The following CEP83 variants were observed in gnomAD, a reference collection of about 807,000 sequenced individuals.
The protein encoded by CEP83 is centrosomal protein 83.
A neutral mutation model predicts 101.9 loss-of-function variants in CEP83; 70 were observed. The ratio of observed to expected loss-of-function variants is 0.69; its 90% CI spans 0.57 to 0.84. The LOEUF is 0.84. CEP83 is among the 40% of genes least tolerant of loss of function. The probability of loss-of-function intolerance (pLI) is 0.00; values close to 1 mark genes in which losing one functional copy is unlikely to be tolerated. For missense variants in CEP83, 715 were observed against 787.2 expected (o/e 0.91, Z 1.10); for synonymous variants, 264 against 267.9 (o/e 0.99, Z 0.14).
intron 9 of CEP83, 87 bp downstream of exon 9, chr12:94,369,834 TA>T: frequency 1.4e-6 from 1 of 736,670 alleles, no homozygotes. Context: ...AATTTGGAAA[TA>T]AAAATTCAGA....
intron 15 of CEP83, among the ~76,000 whole-genome samples, chr12:94,310,311 A>G (rs1017370653): frequency 6.6e-6 from 1 of 152,172 alleles, no homozygotes; most frequent in African/African-American, 2.4e-5. Flanking sequence ...ATTGCAGACT[A>G]TCAACTCATT....
At chr12:94,290,502 C>T in the CEP83 span, among the ~76,000 whole-genome samples, 1 of 152,238 alleles carries the variant, frequency 6.6e-6, no homozygotes, top group Admixed American at 6.5e-5. Flanking sequence ...CCCAGCCGGC[C>T]CCTGCCCAGT....
intron 2 of CEP83, among the ~76,000 whole-genome samples, chr12:94,434,779 A>T (rs903048109): frequency 6.6e-6 from 1 of 152,228 alleles, no homozygotes; most frequent in Admixed American, 6.5e-5. Flanking sequence ...TTATACATAC[A>T]CATAGCCTGA....
the CEP83 span, chr12:94,280,277 G>C: frequency 6.0e-6 from 1 of 167,512 alleles, no homozygotes; most frequent in Non-Finnish European, 1.3e-5. Flanking sequence ...ACATTTTAAA[G>C]TTGAGCTCCG....
At chr12:94,304,727 T>A (rs970440676), downstream of CEP83, among the ~76,000 whole-genome samples, 13 of 152,154 alleles carry the variant, frequency 8.5e-5, no homozygotes, top group South Asian at 1.9e-3. Flanking sequence ...ATGATAAGCA[T>A]CCCTCGTTCC....
intron 1 of CEP83, among the ~76,000 whole-genome samples, chr12:94,457,700 C>T (rs1016106634): frequency 3.3e-5 from 5 of 152,162 alleles, no homozygotes; most frequent in African/African-American, 9.7e-5. Context: ...AGTTCCAATT[C>T]CCATTATTAA....
chr12:94,307,529 C>A (rs1167058916), downstream of CEP83: 1 of 152,118 alleles, frequency 6.6e-6, no homozygotes, highest in Non-Finnish European at 1.5e-5. Context: ...ACACTAGTGT[C>A]TACAGCAGCA....
the CEP83 span, among the ~76,000 whole-genome samples, chr12:94,268,737 G>T: frequency 2.4e-3 from 360 of 151,842 alleles, 2 homozygotes; most frequent in African/African-American, 7.9e-3. Context: ...TGGGATTATA[G>T]GCACCTGCCA....
chr12:94,279,417 G>A, the CEP83 span: 1 of 1,498,112 alleles, frequency 6.7e-7, no homozygotes, highest in Non-Finnish European at 9.1e-7. Flanking sequence ...TTTATGAAAT[G>A]CCTTTCAGAT....
intron 12 of CEP83, among the ~76,000 whole-genome samples, chr12:94,335,286 T>A (rs2059402138): frequency 2.6e-5 from 4 of 152,094 alleles, no homozygotes; most frequent in Non-Finnish European, 2.9e-5. Context: ...ATTGAGTTTT[T>A]AAAATTCTGA....
chr12:94,293,930 TTCTTA>T, the CEP83 span, among the ~76,000 whole-genome samples: 1 of 152,068 alleles, frequency 6.6e-6, no homozygotes, highest in Non-Finnish European at 1.5e-5. Flanking sequence ...CTGGTGTCTC[TTCTTA>T]TAAGGGCACT....
intron 14 of CEP83, among the ~76,000 whole-genome samples, chr12:94,315,227 A>G (rs368274012): frequency 6.6e-6 from 1 of 152,152 alleles, no homozygotes; most frequent in Non-Finnish European, 1.5e-5. Context: ...TAGCTGTTCT[A>G]CATTTTTGCC....
At chr12:94,460,138 T>G (rs2068045337), upstream of CEP83, 1 of 151,754 alleles carries the variant, frequency 6.6e-6, no homozygotes, top group South Asian at 2.1e-4. Flanking sequence ...TGGAGGGCCC[T>G]GGGATGGACT....
chr12:94,269,381 C>A, the CEP83 span, among the ~76,000 whole-genome samples: 1 of 152,144 alleles, frequency 6.6e-6, no homozygotes. Flanking sequence ...AGGTTTATGC[C>A]AGCCTACCCC....
chr12:94,452,288 T>C (rs1287389944), intron 1 of CEP83, among the ~76,000 whole-genome samples: 1 of 152,166 alleles, frequency 6.6e-6, no homozygotes, highest in African/African-American at 2.4e-5. Flanking sequence ...ATAAAGTTGC[T>C]AAAAACCATT....
chr12:94,369,763 ACACT>A (rs556967617), intron 9 of CEP83, 155 bp downstream of exon 9: 206 of 493,686 alleles, frequency 4.2e-4, no homozygotes, highest in African/African-American at 3.6e-3. Context: ...AATGAACAAA[ACACT>A]CAACATATAA....
chr12:94,389,448 T>C (rs541420612), intron 6 of CEP83, among the ~76,000 whole-genome samples: 8 of 152,254 alleles, frequency 5.3e-5, no homozygotes, highest in Admixed American at 1.3e-4. Context: ...TCTTAGTTTT[T>C]AAATTATTAC....
chr12:94,411,419 C>T (rs755260357), intron 4 of CEP83, among the ~76,000 whole-genome samples: 10 of 152,064 alleles, frequency 6.6e-5, no homozygotes, highest in Admixed American at 1.3e-4. Flanking sequence ...TCAATTCAAA[C>T]TCACTTTTTC....
chr12:94,331,913 AC>A lies in CEP83; in HGVS notation c.1578-85del. 2.4e-6 allele frequency: 3 copies of A among 1,257,064 alleles called. No homozygotes were observed. The Admixed American group carries it at 5.4e-5, about 23-fold the overall frequency. 77.9% of individuals were successfully genotyped at this position (1,257,064 alleles called of 1,614,324 possible). Reference sequence around the variant, plus strand: ...TATTATCACAAGTATAAGCAAACTCACTACCTGTCTGACCACATTCTTAATT... The same window carrying A: ...TATTATCACAAGTATAAGCAAACTCATACCTGTCTGACCACATTCTTAATT... On this transcript the variant is annotated intron_variant, in intron 13 of 16. Transcript: ENST00000397809.
Sources: allele counts gnomAD v4.1 joint callset (sites outside exome capture counted in the v4.1 genomes callset), GRCh38; gene constraint gnomAD v4.1.1; transcripts MANE v1.5; gene names NCBI Gene and HGNC (gene_info 2026-07-23, HGNC 2026-07-21).